The following IMMP2L variants were observed in gnomAD, a reference collection of about 807,000 sequenced individuals.
IMMP2L encodes the protein mitochondrial inner membrane protease subunit 2.
A neutral mutation model predicts 19.3 loss-of-function variants in IMMP2L; 18 were observed. That is an observed-to-expected ratio of 0.93 (90% CI 0.64 to 1.38). The LOEUF is 1.38. Among genes scored for constraint, IMMP2L ranks in the 40% most tolerant of loss-of-function variants. The pLI is 0.00. For synonymous variants in IMMP2L, 76 were observed against 73.0 expected, an observed-to-expected ratio of 1.04 and a Z score of -0.21; for missense variants, 233 against 218.2, an observed-to-expected ratio of 1.07 and a Z score of -0.43.
At chr7:110,792,486 T>TA in intron 5 of IMMP2L, among the ~76,000 whole-genome samples, 1 of 152,104 alleles carries the variant, frequency 6.6e-6, no homozygotes, top group Non-Finnish European at 1.5e-5. Context: ...TTCTGGCCTT[T>TA]AAAAAAATTT....
intron 3 of IMMP2L, among the ~76,000 whole-genome samples, chr7:111,118,910 T>C (rs1457326390): frequency 6.6e-6 from 1 of 152,170 alleles, no homozygotes; most frequent in Non-Finnish European, 1.5e-5. Context: ...AGAAATCTAA[T>C]TCAAAATGTG....
chr7:111,169,232 C>A (rs1806169111), intron 3 of IMMP2L, among the ~76,000 whole-genome samples: 1 of 151,812 alleles, frequency 6.6e-6, no homozygotes, highest in Non-Finnish European at 1.5e-5. Context: ...AGCCCAGATG[C>A]CTGCAGTGCA....
intron 3 of IMMP2L, among the ~76,000 whole-genome samples, chr7:111,372,011 C>T (rs980855116): frequency 6.6e-6 from 1 of 151,942 alleles, no homozygotes; most frequent in Non-Finnish European, 1.5e-5. Flanking sequence ...GAACAATCAC[C>T]TTGACAAACA....
At chr7:111,324,250 A>C (rs1825070516) in intron 3 of IMMP2L, among the ~76,000 whole-genome samples, 2 of 152,000 alleles carry the variant, frequency 1.3e-5, no homozygotes, top group African/African-American at 4.8e-5. Flanking sequence ...CAAAAACACA[A>C]AGTGAAAAAT....
At chr7:110,849,201 T>C (rs891040527) in intron 5 of IMMP2L, among the ~76,000 whole-genome samples, 11 of 152,112 alleles carry the variant, frequency 7.2e-5, no homozygotes, top group Non-Finnish European at 1.3e-4. Flanking sequence ...CTCTGTACTT[T>C]CTGCTCCATT....
At chr7:111,227,445 T>A (rs911590572) in intron 3 of IMMP2L, among the ~76,000 whole-genome samples, 1 of 152,124 alleles carries the variant, frequency 6.6e-6, no homozygotes, top group African/African-American at 2.4e-5. Flanking sequence ...AAGCTTCGAC[T>A]ATAAGGATTA....
chr7:111,273,070 G>A (rs1347585346), intron 3 of IMMP2L, among the ~76,000 whole-genome samples: 1 of 152,070 alleles, frequency 6.6e-6, no homozygotes, highest in Non-Finnish European at 1.5e-5. Context: ...TTGAGGTCAG[G>A]AGTTCAAGAC....
In IMMP2L at chr7:111,370,881, T is replaced by C. The variant is rs566540526; in HGVS notation, c.239+116357A>G. On this transcript the variant is annotated intron_variant, in intron 3 of 5. Transcript: ENST00000405709. ...GAGAAAATATTAACACAAAAACCTA[T>C]TATCTCACTTCTTTTTCAGACATTC... 5.1e-4 allele frequency among the ~76,000 whole-genome samples: 77 copies of C among 152,084 alleles called. No homozygotes were observed. In the South Asian group the frequency reaches 5.2e-3, roughly 10 times the overall value.
intron 3 of IMMP2L, among the ~76,000 whole-genome samples, chr7:111,075,601 G>T (rs1795333162): frequency 6.6e-6 from 1 of 151,994 alleles, no homozygotes; most frequent in African/African-American, 2.4e-5. Context: ...ATAACACTAG[G>T]CTCTTCTGGC....
chr7:111,228,042 C>T (rs1813296701), intron 3 of IMMP2L, among the ~76,000 whole-genome samples: 1 of 152,136 alleles, frequency 6.6e-6, no homozygotes, highest in Admixed American at 6.6e-5. Context: ...CCATAGGCCA[C>T]AGAAATCTAT....
chr7:110,801,381 C>T (rs972337441), intron 5 of IMMP2L, among the ~76,000 whole-genome samples: 1 of 152,080 alleles, frequency 6.6e-6, no homozygotes. Context: ...CTCTCTAGAC[C>T]TCTGTCTCGA....
At chr7:111,234,769 T>C (rs1231553191) in intron 3 of IMMP2L, among the ~76,000 whole-genome samples, 6 of 152,120 alleles carry the variant, frequency 3.9e-5, no homozygotes, top group Non-Finnish European at 8.8e-5. Context: ...ATACCTTTAA[T>C]TTATCATGAA....
chr7:111,136,802 C>T (rs1206502586), intron 3 of IMMP2L, among the ~76,000 whole-genome samples: 1 of 152,158 alleles, frequency 6.6e-6, no homozygotes, highest in Admixed American at 6.5e-5. Flanking sequence ...AAATGCTAAG[C>T]ATGAACAGAC....
At chr7:111,450,368 G>T (rs1387752223) in intron 3 of IMMP2L, among the ~76,000 whole-genome samples, 2 of 151,926 alleles carry the variant, frequency 1.3e-5, no homozygotes, top group Non-Finnish European at 2.9e-5. Context: ...CAGAGATATA[G>T]ATCAATGGAA....
At chr7:111,259,749 TAAAAC>T (rs200582412) in intron 3 of IMMP2L, among the ~76,000 whole-genome samples, 6,613 of 152,250 alleles carry the variant, frequency 0.043, 218 homozygotes, top group South Asian at 0.082. Context: ...TAACACAGCT[TAAAAC>T]AAGCACATTA....
intron 3 of IMMP2L, among the ~76,000 whole-genome samples, chr7:111,413,224 A>G (rs1256016988): frequency 6.6e-6 from 1 of 152,156 alleles, no homozygotes; most frequent in East Asian, 1.9e-4. Flanking sequence ...ATAATTAACA[A>G]TCTTCCCAAA....
chr7:111,471,739 A>G (rs534079805), intron 3 of IMMP2L, among the ~76,000 whole-genome samples: 1 of 152,128 alleles, frequency 6.6e-6, no homozygotes, highest in Non-Finnish European at 1.5e-5. Flanking sequence ...ACGTCCCTGA[A>G]CATTCAAAAT....
chr7:111,273,209 G>A (rs1023014693), intron 3 of IMMP2L, among the ~76,000 whole-genome samples: 5 of 151,894 alleles, frequency 3.3e-5, no homozygotes, highest in African/African-American at 7.3e-5. Flanking sequence ...CCCAGGAGGC[G>A]GAGGTTGCAG....
chr7:111,041,640 G>A (rs571253892), intron 3 of IMMP2L, among the ~76,000 whole-genome samples: 22 of 150,922 alleles, frequency 1.5e-4, no homozygotes, highest in Non-Finnish European at 2.7e-4. Context: ...ACTAGATCCC[G>A]GGGCCCTATC....
Sources: gnomAD v4.1 joint callset for allele counts (sites outside exome capture counted in the v4.1 genomes callset) on GRCh38, gnomAD v4.1.1 for gene constraint, MANE v1.5 for transcripts, NCBI Gene and HGNC (gene_info 2026-07-23, HGNC 2026-07-21) for gene names.